The following TENM1 variants were observed in gnomAD, a reference collection of about 807,000 sequenced individuals.
The protein encoded by TENM1 is teneurin transmembrane protein 1, also known as teneurin-1.
TENM1 carries 35 observed loss-of-function variants against 174.8 expected under a neutral mutation model. That is an observed-to-expected ratio of 0.20 (90% CI 0.15 to 0.27). The LOEUF (loss-of-function observed/expected upper bound fraction) is 0.27, where lower values mean the gene tolerates loss of function less well. Among genes scored for constraint, TENM1 ranks in the 10% least tolerant of loss-of-function variants. The pLI is 1.00. For synonymous variants in TENM1, 781 were observed against 798.7 expected, an observed-to-expected ratio of 0.98 and a Z score of 0.37; for missense variants, 1,633 against 2,130.1, an observed-to-expected ratio of 0.77 and a Z score of 4.59.
At chrX:124,617,955 T>G (rs1426894852) in intron 11 of TENM1, among the ~76,000 whole-genome samples, 2 of 112,009 alleles carry the variant, frequency 1.8e-5, no homozygotes, top group African/African-American at 6.5e-5. Flanking sequence ...TAATAATCCT[T>G]AAGAACTTTC....
chrX:125,163,165 C>A, the TENM1 span, among the ~76,000 whole-genome samples: 1 of 111,397 alleles, frequency 9.0e-6, no homozygotes, highest in African/African-American at 3.3e-5. Flanking sequence ...GGAAGCTGGA[C>A]AGAACTCAAT....
upstream of TENM1, among the ~76,000 whole-genome samples, chrX:124,968,159 C>T (rs1277651129): frequency 9.0e-6 from 1 of 110,545 alleles, no homozygotes; most frequent in Non-Finnish European, 1.9e-5. Flanking sequence ...AAAACAACAC[C>T]AAAAAATTAA....
intron 23 of TENM1, among the ~76,000 whole-genome samples, chrX:124,452,398 T>G (rs1603272416): frequency 1.8e-5 from 2 of 111,963 alleles, no homozygotes; most frequent in East Asian, 5.7e-4. Context: ...TGTGGAGAAA[T>G]AGGAACACTT....
At chrX:125,010,851 C>T in the TENM1 span, among the ~76,000 whole-genome samples, 6 of 108,127 alleles carry the variant, frequency 5.5e-5, no homozygotes, top group Non-Finnish European at 5.8e-5. Flanking sequence ...ACATGTGGAA[C>T]CGAAAAAGAG....
chrX:124,549,923 TC>T (rs2048521193), intron 14 of TENM1, among the ~76,000 whole-genome samples: 1 of 107,238 alleles, frequency 9.3e-6, no homozygotes, highest in Non-Finnish European at 1.9e-5. Context: ...TTTTTTTTTT[TC>T]TAATTGTTCA....
the TENM1 span, among the ~76,000 whole-genome samples, chrX:124,986,200 T>A: frequency 8.9e-6 from 1 of 111,939 alleles, no homozygotes; most frequent in East Asian, 2.8e-4. Context: ...TATTAAAATA[T>A]GTAATGGCTT....
chrX:124,438,790 G>A (rs1350225827), intron 23 of TENM1, among the ~76,000 whole-genome samples: 1 of 110,632 alleles, frequency 9.0e-6, no homozygotes, highest in Non-Finnish European at 1.9e-5. Context: ...CACTTTGGAG[G>A]GAGCAATGGA....
the TENM1 span, among the ~76,000 whole-genome samples, chrX:125,077,258 C>T: frequency 1.8e-5 from 2 of 110,989 alleles, no homozygotes; most frequent in Non-Finnish European, 3.8e-5. Flanking sequence ...CCTAAACTAG[C>T]AGGTTAATTT....
At chrX:124,639,936 C>A (rs1326879163) in intron 11 of TENM1, among the ~76,000 whole-genome samples, 1 of 110,531 alleles carries the variant, frequency 9.0e-6, no homozygotes, top group Non-Finnish European at 1.9e-5. Flanking sequence ...CTTTTTCTAA[C>A]TTGTTCAATG....
At chrX:124,888,730 A>G (rs2057428865) in intron 3 of TENM1, among the ~76,000 whole-genome samples, 1 of 111,927 alleles carries the variant, frequency 8.9e-6, no homozygotes, top group Admixed American at 9.5e-5. Flanking sequence ...TAATAAATTA[A>G]TAGTGATAAA....
chrX:124,715,242 T>C (rs752852501), intron 4 of TENM1, among the ~76,000 whole-genome samples: 1 of 112,091 alleles, frequency 8.9e-6, no homozygotes, highest in African/African-American at 3.2e-5. Context: ...ACATTTTCCC[T>C]ATGGAGGAAT....
At chrX:125,153,180 C>T in the TENM1 span, among the ~76,000 whole-genome samples, 2 of 111,805 alleles carry the variant, frequency 1.8e-5, no homozygotes, top group Admixed American at 9.5e-5. Flanking sequence ...AGACATATGA[C>T]TTTGGGGGAG....
chrX:124,888,516 G>A (rs2057425872), intron 3 of TENM1, among the ~76,000 whole-genome samples: 1 of 111,840 alleles, frequency 8.9e-6, no homozygotes, highest in Non-Finnish European at 1.9e-5. Context: ...CAAGGTTGTT[G>A]CCTATTAATA....
intron 3 of TENM1, among the ~76,000 whole-genome samples, chrX:124,817,535 C>T (rs2055929539): frequency 8.9e-6 from 1 of 111,792 alleles, no homozygotes; most frequent in Admixed American, 9.5e-5. Flanking sequence ...ACATACAGGA[C>T]CTTATTCAAT....
chrX:124,786,307 G>A (rs1345830360), intron 3 of TENM1, among the ~76,000 whole-genome samples: 1 of 111,188 alleles, frequency 9.0e-6, no homozygotes, highest in Non-Finnish European at 1.9e-5. Context: ...TATGTGATCT[G>A]GCAAATGTAT....
chrX:124,763,908 T>A (rs977249874), intron 3 of TENM1, among the ~76,000 whole-genome samples: 1 of 112,436 alleles, frequency 8.9e-6, no homozygotes, highest in Non-Finnish European at 1.9e-5. Flanking sequence ...ATTAGTTACC[T>A]TCTATGTCCT....
intron 11 of TENM1, among the ~76,000 whole-genome samples, chrX:124,579,280 T>A (rs971213418): frequency 2.7e-5 from 3 of 111,920 alleles, no homozygotes; most frequent in Non-Finnish European, 5.6e-5. Flanking sequence ...CAAGCCCCAA[T>A]TGTTACTTTT....
intron 11 of TENM1, among the ~76,000 whole-genome samples, chrX:124,569,101 G>A (rs1231374735): frequency 5.4e-5 from 6 of 111,025 alleles, no homozygotes; most frequent in Non-Finnish European, 1.1e-4. Flanking sequence ...AAGAAGTTGA[G>A]GTGGGAGGAT....
chrX:124,745,824 T>C (rs1284247644), intron 3 of TENM1, among the ~76,000 whole-genome samples: 1 of 107,971 alleles, frequency 9.3e-6, no homozygotes, highest in Non-Finnish European at 1.9e-5. Flanking sequence ...AACATGTACA[T>C]GTTATTCAAA....
Sources: allele counts gnomAD v4.1 joint callset (sites outside exome capture counted in the v4.1 genomes callset), GRCh38; gene constraint gnomAD v4.1.1; transcripts MANE v1.5; gene names NCBI Gene and HGNC (gene_info 2026-07-23, HGNC 2026-07-21).